The following SPAG16 variants were observed in gnomAD, a reference collection of about 807,000 sequenced individuals.
The protein encoded by SPAG16 is sperm-associated antigen 16 protein.
A neutral mutation model predicts 80.4 loss-of-function variants in SPAG16; 86 were observed. The observed-to-expected ratio is 1.07, with a 90% CI of 0.90 to 1.28. The LOEUF is 1.28. Ranked by LOEUF, SPAG16 falls within the 50% of genes most tolerant of loss-of-function variation. The pLI is 0.00. For missense variants in SPAG16, 870 were observed against 765.3 expected (o/e 1.14, Z -1.61); for synonymous variants, 294 against 265.9 (o/e 1.11, Z -1.03).
chr2:213,902,589 G>C (rs1329796402), intron 11 of SPAG16, among the ~76,000 whole-genome samples: 1 of 152,098 alleles, frequency 6.6e-6, no homozygotes, highest in African/African-American at 2.4e-5. Flanking sequence ...AGAACATGTG[G>C]GAATTATGGG....
At chr2:213,290,186 G>A (rs2062213924) in intron 1 of SPAG16, among the ~76,000 whole-genome samples, 1 of 152,212 alleles carries the variant, frequency 6.6e-6, no homozygotes, top group Non-Finnish European at 1.5e-5. Context: ...CAGAAACTAT[G>A]AGATAGTTCA....
In SPAG16 at chr2:213,521,482, T is replaced by C. The variant is rs371451122; in HGVS notation, c.1070+31392T>C. On this transcript the variant is annotated intron_variant, in intron 10 of 15. Coordinates refer to ENST00000331683, the MANE Select transcript of SPAG16 (RefSeq NM_024532.5). ...GTTAGAGCCTATCTCCCCTGAGAGC[T>C]TTTGCTTTTTATTCTCTTGCTCCAC... is the stretch of plus-strand genomic sequence containing the variant. Among the ~76,000 whole-genome samples, 91 of 152,322 alleles carry C rather than the reference T, an allele frequency of 6.0e-4. 2 individuals are homozygous for C. In the South Asian group the frequency reaches 0.018, roughly 31 times the overall value.
chr2:213,703,557 T>C (rs1347901613), intron 10 of SPAG16, among the ~76,000 whole-genome samples: 1 of 152,178 alleles, frequency 6.6e-6, no homozygotes, highest in African/African-American at 2.4e-5. Flanking sequence ...TTCATGCTCC[T>C]GGCTAGGAAT....
intron 15 of SPAG16, among the ~76,000 whole-genome samples, chr2:214,296,209 A>G (rs1192850823): frequency 2.0e-5 from 3 of 152,190 alleles, no homozygotes; most frequent in Non-Finnish European, 2.9e-5. Context: ...AACTTTACTC[A>G]TGTAGCTACA....
At chr2:213,573,491 C>G (rs930454104) in intron 10 of SPAG16, among the ~76,000 whole-genome samples, 1 of 152,154 alleles carries the variant, frequency 6.6e-6, no homozygotes, top group African/African-American at 2.4e-5. Context: ...TGTTTGCATT[C>G]TACATATAAT....
intron 11 of SPAG16, among the ~76,000 whole-genome samples, chr2:213,876,870 G>A (rs868859175): frequency 1.7e-4 from 26 of 152,070 alleles, no homozygotes; most frequent in Non-Finnish European, 5.9e-5. Context: ...TTGACGACAG[G>A]CTTTAAAGAG....
At chr2:213,308,371 C>A (rs1450783121) in intron 3 of SPAG16, among the ~76,000 whole-genome samples, 1 of 152,068 alleles carries the variant, frequency 6.6e-6, no homozygotes, top group Non-Finnish European at 1.5e-5. Flanking sequence ...ATACTACATA[C>A]AGTTTGAGTA....
chr2:214,372,618 G>T lies in SPAG16; in HGVS notation c.1721-37522G>T, dbSNP rs187462652. ...AGGCCTTTCTCTGTGCTATTTATCC[G>T]CATGCCTGGAGAGGATTACATGGAT... On this transcript the variant is annotated intron_variant, in intron 15 of 15. Coordinates refer to ENST00000331683, the MANE Select transcript of SPAG16 (RefSeq NM_024532.5). 1.8e-3 allele frequency among the ~76,000 whole-genome samples: 267 copies of T among 152,282 alleles called. 1 individual carries two copies. Among genetic ancestry groups the T allele is most frequent in the Middle Eastern group, 6.8e-3 (2 of 294 alleles).
intron 10 of SPAG16, among the ~76,000 whole-genome samples, chr2:213,565,893 G>A (rs933026301): frequency 3.9e-5 from 6 of 152,158 alleles, no homozygotes; most frequent in African/African-American, 1.2e-4. Context: ...AAGACATTTT[G>A]GTAGAATAGA....
At chr2:213,931,268 G>A (rs2078740257) in intron 12 of SPAG16, among the ~76,000 whole-genome samples, 1 of 152,116 alleles carries the variant, frequency 6.6e-6, no homozygotes, top group African/African-American at 2.4e-5. Context: ...TAAAGCTATA[G>A]CTAAATAAAA....
chr2:213,581,624 A>G (rs1444601150), intron 10 of SPAG16, among the ~76,000 whole-genome samples: 1 of 152,120 alleles, frequency 6.6e-6, no homozygotes, highest in Non-Finnish European at 1.5e-5. Context: ...GCTAGTCTCC[A>G]CATCTCATTC....
intron 10 of SPAG16, among the ~76,000 whole-genome samples, chr2:213,828,216 C>T (rs538741868): frequency 6.6e-6 from 1 of 151,924 alleles, no homozygotes; most frequent in Admixed American, 6.6e-5. Context: ...TTTATTCTTT[C>T]TTCTTTTGTC....
rs552084886 is a variant in SPAG16 at position 214,333,683 on chromosome 2, C to T, written c.1721-76457C>T. Among the ~76,000 whole-genome samples the T allele has an allele frequency of 9.8e-5, 15 of 152,330 alleles. No homozygotes were observed. The East Asian group carries it at 2.7e-3, about 27-fold the overall frequency. On this transcript the variant is annotated intron_variant, in intron 15 of 15. Transcript: ENST00000331683. Reference sequence around the variant, plus strand: ...TTTCCTGTGCTTAGGTAACATACCACTCTGCCATCCCCACACTGAGACTTG... The same window carrying T: ...TTTCCTGTGCTTAGGTAACATACCATTCTGCCATCCCCACACTGAGACTTG...
At chr2:214,103,164 C>T (rs1292872162) in intron 13 of SPAG16, among the ~76,000 whole-genome samples, 1 of 152,176 alleles carries the variant, frequency 6.6e-6, no homozygotes, top group Non-Finnish European at 1.5e-5. Context: ...CAAGAAGCTG[C>T]TTCTCCCTGG....
intron 15 of SPAG16, among the ~76,000 whole-genome samples, chr2:214,298,246 T>C (rs1267299311): frequency 6.6e-6 from 1 of 151,918 alleles, no homozygotes; most frequent in African/African-American, 2.4e-5. Context: ...TTGAATGTTA[T>C]TGTTGTATAG....
At chr2:213,860,029 T>C (rs1452940294) in intron 10 of SPAG16, among the ~76,000 whole-genome samples, 2 of 95,194 alleles carry the variant, frequency 2.1e-5, no homozygotes, top group Admixed American at 2.3e-4. Context: ...GACAGTTATG[T>C]CTCATTATGG....
intron 15 of SPAG16, among the ~76,000 whole-genome samples, chr2:214,359,379 T>C (rs1211064171): frequency 6.6e-6 from 1 of 151,854 alleles, no homozygotes; most frequent in African/African-American, 2.4e-5. Context: ...TAAAATCATA[T>C]TGGGCATTTG....
chr2:213,920,864 G>A (rs2078188933), intron 11 of SPAG16, among the ~76,000 whole-genome samples: 1 of 152,212 alleles, frequency 6.6e-6, no homozygotes, highest in Non-Finnish European at 1.5e-5. Context: ...CTCTGCATCA[G>A]CTGGCATGCT....
intron 5 of SPAG16, among the ~76,000 whole-genome samples, chr2:213,328,963 T>C (rs2063961781): frequency 6.6e-6 from 1 of 152,072 alleles, no homozygotes; most frequent in African/African-American, 2.4e-5. Flanking sequence ...GATCTGATGG[T>C]TTTAGAAAGG....
Sources: gnomAD v4.1 joint callset for allele counts (sites outside exome capture counted in the v4.1 genomes callset) on GRCh38, gnomAD v4.1.1 for gene constraint, MANE v1.5 for transcripts, NCBI Gene and HGNC (gene_info 2026-07-23, HGNC 2026-07-21) for gene names.